PRKCA: variants seen among roughly 807,000 people sequenced by gnomAD.
PRKCA encodes protein kinase C alpha type.
PRKCA carries 27 observed loss-of-function variants against 87.0 expected under a neutral mutation model. That is an observed-to-expected ratio of 0.31 (90% CI 0.23 to 0.43). The LOEUF (loss-of-function observed/expected upper bound fraction) is 0.43. PRKCA is among the 20% of genes least tolerant of loss of function. PRKCA has a pLI of 1.00. For missense variants in PRKCA, 518 were observed against 852.3 expected (o/e 0.61, Z 4.88); for synonymous variants, 329 against 311.1 (o/e 1.06, Z -0.61).
At chr17:66,559,348 C>T (rs55824466) in intron 3 of PRKCA, among the ~76,000 whole-genome samples, 8,893 of 151,456 alleles carry the variant, frequency 0.059, 334 homozygotes, top group Non-Finnish European at 0.084. Context: ...TGGTGGTGGG[C>T]GCCTGTAATC....
chr17:66,401,808 A>G (rs7207097), intron 2 of PRKCA, among the ~76,000 whole-genome samples: 20,799 of 152,198 alleles, frequency 0.14, 1,637 homozygotes, highest in East Asian at 0.28. Flanking sequence ...ATCTGAAATT[A>G]GGAATATAAG....
At chr17:66,482,457 C>T (rs1915829291) in intron 2 of PRKCA, among the ~76,000 whole-genome samples, 1 of 152,176 alleles carries the variant, frequency 6.6e-6, no homozygotes, top group Non-Finnish European at 1.5e-5. Context: ...AGTTCATTCT[C>T]AGACTCTCAG....
Position 66,546,303 on chromosome 17 carries a change from A to C in PRKCA, c.288+50020A>C, listed in dbSNP as rs942623726. Among the ~76,000 whole-genome samples, 6 of 152,240 alleles carry C rather than the reference A, an allele frequency of 3.9e-5. No individual in the cohort carries two copies. The East Asian group carries it at 1.2e-3, about 29-fold the overall frequency. ...TCATTTTATTATGTTTGGTTGTATT[A>C]GTTTCTAATATGATTAGCTGTATTA... On this transcript the variant is annotated intron_variant, in intron 3 of 16. Coordinates refer to ENST00000413366, the MANE Select transcript of PRKCA (RefSeq NM_002737.3).
intron 3 of PRKCA, 45 bp from the exon 4 acceptor site, chr17:66,641,310 G>T (rs1157642362): frequency 1.4e-6 from 2 of 1,445,998 alleles, no homozygotes; most frequent in Non-Finnish European, 1.9e-6. Context: ...TAAAAACGTG[G>T]TCCTTTCATG....
At chr17:66,659,306 G>T (rs1335111359) in intron 5 of PRKCA, among the ~76,000 whole-genome samples, 3 of 152,190 alleles carry the variant, frequency 2.0e-5, no homozygotes, top group Admixed American at 2.0e-4. Flanking sequence ...TGTTTGAGAT[G>T]ATATTCAAAT....
intron 14 of PRKCA, chr17:66,775,701 A>G (rs1975030824): frequency 3.1e-5 from 31 of 985,266 alleles, no homozygotes; most frequent in Non-Finnish European, 3.6e-5. Flanking sequence ...TCTGGGGAAA[A>G]AGTCTTCCCT....
intron 3 of PRKCA, among the ~76,000 whole-genome samples, chr17:66,610,544 T>C (rs1970330921): frequency 6.6e-6 from 1 of 152,100 alleles, no homozygotes; most frequent in Non-Finnish European, 1.5e-5. Context: ...GACACTCCCA[T>C]CACCCAGGAA....
chr17:66,328,499 T>C (rs1906126113), intron 2 of PRKCA, among the ~76,000 whole-genome samples: 1 of 152,154 alleles, frequency 6.6e-6, no homozygotes, highest in African/African-American at 2.4e-5. Flanking sequence ...TTGTGTGTTC[T>C]AGAAACTGAA....
intron 8 of PRKCA, among the ~76,000 whole-genome samples, chr17:66,700,903 T>G (rs1269113374): frequency 6.6e-6 from 1 of 152,158 alleles, no homozygotes; most frequent in Admixed American, 6.5e-5. Context: ...GTAATCCTTA[T>G]CAAAATGCCA....
At chr17:66,515,420 G>A (rs1966936089) in intron 3 of PRKCA, among the ~76,000 whole-genome samples, 1 of 152,140 alleles carries the variant, frequency 6.6e-6, no homozygotes, top group South Asian at 2.1e-4. Flanking sequence ...TTCATCTCTA[G>A]TACAGGAAGG....
chr17:66,704,519 C>T, intron 8 of PRKCA, among the ~76,000 whole-genome samples: 1 of 152,190 alleles, frequency 6.6e-6, no homozygotes. Context: ...ATTGGGATGA[C>T]TGAAGTCTCA....
chr17:66,704,169 A>C (rs1284696994), intron 8 of PRKCA, among the ~76,000 whole-genome samples: 1 of 152,156 alleles, frequency 6.6e-6, no homozygotes. Context: ...TAAAAAAAAA[A>C]AAAAAACAGG....
chr17:66,732,623 T>C, intron 8 of PRKCA, 65 bp from the exon 9 acceptor site: 2 of 1,594,162 alleles, frequency 1.3e-6, no homozygotes, highest in Non-Finnish European at 1.7e-6. Context: ...TACAACACGG[T>C]GGTTTCTGTC....
intron 3 of PRKCA, among the ~76,000 whole-genome samples, chr17:66,587,895 G>GTATATATATATATATA (rs71160580): frequency 9.4e-5 from 8 of 85,396 alleles, no homozygotes; most frequent in East Asian, 3.5e-4. Flanking sequence ...GTGTGTGTGT[G>GTATATATATATATATA]TATATATATA....
chr17:66,732,882 TTTTG>T, intron 9 of PRKCA, 57 bp downstream of exon 9: 1 of 1,581,230 alleles, frequency 6.3e-7, no homozygotes, highest in African/African-American at 1.4e-5. Context: ...GTCGAATCAG[TTTTG>T]TTCTCCTCGT....
chr17:66,739,621 GA>G (rs1974112197), intron 11 of PRKCA, among the ~76,000 whole-genome samples: 2 of 152,208 alleles, frequency 1.3e-5, no homozygotes, highest in Non-Finnish European at 2.9e-5. Context: ...CGGGGAGAGG[GA>G]AGTGCAACCC....
intron 2 of PRKCA, among the ~76,000 whole-genome samples, chr17:66,313,334 T>A (rs1905164124): frequency 6.6e-6 from 1 of 152,148 alleles, no homozygotes; most frequent in Admixed American, 6.5e-5. Context: ...GATCTTAGGA[T>A]CATTAAAGAA....
chr17:66,561,104 A>G lies in PRKCA; in HGVS notation c.288+64821A>G, dbSNP rs138519647. Among the ~76,000 whole-genome samples, 769 of 152,330 alleles carry G rather than the reference A, an allele frequency of 5.0e-3. 8 individuals are homozygous for G. The highest frequency in any genetic ancestry group is 0.018 in the African/African-American group (738 of 41,582). ...AGAACCAGAGCTACAGTTTTCCACA[A>G]AACATATCATTTTAAATGATTCTGA... On this transcript the variant is annotated intron_variant, in intron 3 of 16. Transcript: ENST00000413366.
chr17:66,517,057 G>A (rs1468607447), intron 3 of PRKCA, among the ~76,000 whole-genome samples: 2 of 152,116 alleles, frequency 1.3e-5, no homozygotes, highest in East Asian at 1.9e-4. Flanking sequence ...AAGCCGAGGC[G>A]GGCGGATCAC....
Sources: allele counts gnomAD v4.1 joint callset (sites outside exome capture counted in the v4.1 genomes callset), GRCh38; gene constraint gnomAD v4.1.1; transcripts MANE v1.5; gene names NCBI Gene and HGNC (gene_info 2026-07-23, HGNC 2026-07-21).